The following CCDC191 variants were observed in gnomAD, a reference collection of about 807,000 sequenced individuals.
CCDC191 encodes coiled-coil domain-containing protein 191.
Under a neutral mutation model 114.0 loss-of-function variants are expected in CCDC191, and 99 were observed. The observed-to-expected ratio is 0.87, with a 90% CI of 0.74 to 1.03. The LOEUF is 1.03. Among genes scored for constraint, CCDC191 ranks in the 50% least tolerant of loss-of-function variants. The pLI, the probability that CCDC191 is intolerant of heterozygous loss-of-function variation, is 0.00. For synonymous variants in CCDC191, 351 were observed against 376.0 expected, an observed-to-expected ratio of 0.93 and a Z score of 0.77; for missense variants, 973 against 1,087.0, an observed-to-expected ratio of 0.90 and a Z score of 1.47.
At position 114,010,883 on chromosome 3, in the gene CCDC191, A is replaced by C. The variant is rs1295951960; in HGVS notation, c.1302T>G (p.Asp434Glu). The part of the protein sequence containing the change: ...LTKEETRKKM[D>E]ALLQAASLGK... ...CCAGTGATGCTGCCTGCAGCAGTGCATCCATCTTCTTCCTAGTTTCCTCTT... is the reference window on the plus strand; with the variant it reads ...CCAGTGATGCTGCCTGCAGCAGTGCCTCCATCTTCTTCCTAGTTTCCTCTT... The change falls in exon 9 of 17, where the codon GAT (aspartate) becomes GAG (glutamate). Residue 434 changes from aspartate (D) to glutamate (E), a missense_variant. Coordinates refer to ENST00000295878, the MANE Select transcript of CCDC191 (RefSeq NM_020817.2). 2.5e-6 allele frequency: 4 copies of C among 1,613,996 alleles called. No homozygotes were observed. The highest frequency in any genetic ancestry group is 3.4e-6 in the Non-Finnish European group (4 of 1,179,966).
chr3:114,010,952 A>C lies in CCDC191; in HGVS notation c.1233T>G (p.His411Gln). The change falls in exon 9 of 17, where the codon CAT becomes CAG. Residue 411 changes from histidine to glutamine, a missense_variant. By Grantham distance (24) the His-to-Gln change is conservative. Coordinates refer to ENST00000295878, the MANE Select transcript of CCDC191 (RefSeq NM_020817.2). ...VLRHCFTEWQHWHGAELLKRE... is the reference protein window; with the variant it reads ...VLRHCFTEWQQWHGAELLKRE... ...TCTTCAGGAGCTCGGCGCCATGCCA[A>C]TGCTGCCATTCTGTAAAGCAGTGTC... is the stretch of plus-strand genomic sequence containing the variant. 1.2e-6 allele frequency: 2 copies of C among 1,614,032 alleles called. No individual in the cohort carries two copies. The highest frequency in any genetic ancestry group is 1.1e-5 in the South Asian group (1 of 91,084).
At chr3:113,965,391 G>A in intron 16 of CCDC191, 32 bp from the exon 17 acceptor site, 1 of 1,447,282 alleles carries the variant, frequency 6.9e-7, no homozygotes, top group Non-Finnish European at 9.3e-7. Flanking sequence ...AAAGTGAAAT[G>A]TTGAGAAAAA....
chr3:114,010,694 C>CGAT (rs1307124560), intron 9 of CCDC191, 78 bp downstream of exon 9: 1 of 1,420,822 alleles, frequency 7.0e-7, no homozygotes, highest in East Asian at 2.3e-5. Flanking sequence ...ACAAAGCAAT[C>CGAT]TGACAATGAC....
intron 8 of CCDC191, among the ~76,000 whole-genome samples, chr3:114,015,432 T>C (rs2076143491): frequency 6.6e-6 from 1 of 152,176 alleles, no homozygotes; most frequent in Non-Finnish European, 1.5e-5. Context: ...CCATAGTTAT[T>C]GGGGTAGAGG....
intron 12 of CCDC191, 193 bp from the exon 13 acceptor site, chr3:114,001,889 A>G (rs1285431857): frequency 6.8e-6 from 4 of 590,372 alleles, no homozygotes; most frequent in African/African-American, 1.9e-5. Flanking sequence ...CTCCAAAAGA[A>G]TCCTTTTCTA....
chr3:114,052,116 A>T (rs748667822), intron 2 of CCDC191, among the ~76,000 whole-genome samples: 1 of 152,224 alleles, frequency 6.6e-6, no homozygotes, highest in Non-Finnish European at 1.5e-5. Flanking sequence ...TATCCAAAAC[A>T]TTAGATATGA....
intron 2 of CCDC191, among the ~76,000 whole-genome samples, chr3:114,047,418 T>C (rs1458780845): frequency 6.6e-6 from 1 of 152,144 alleles, no homozygotes; most frequent in Non-Finnish European, 1.5e-5. Flanking sequence ...TCATAGCACT[T>C]TGGAAGGCCA....
intron 8 of CCDC191, among the ~76,000 whole-genome samples, chr3:114,014,870 C>T (rs1348886881): frequency 6.6e-6 from 1 of 151,634 alleles, no homozygotes; most frequent in African/African-American, 2.4e-5. Flanking sequence ...TTTTAACTTC[C>T]CCATTTAGAT....
At chr3:113,968,508 G>A (rs1489576151) in intron 16 of CCDC191, among the ~76,000 whole-genome samples, 2 of 151,708 alleles carry the variant, frequency 1.3e-5, no homozygotes, top group East Asian at 1.9e-4. Context: ...GACTGTAGCA[G>A]TGTGATGTTG....
chr3:114,010,977 C>A lies in CCDC191; in HGVS notation c.1208G>T (p.Arg403Leu). 6.2e-7 allele frequency: 1 copy of A among 1,613,918 alleles called. No homozygotes were observed. Among genetic ancestry groups the A allele is most frequent in the Non-Finnish European group, 8.5e-7 (1 of 1,179,890 alleles). Residue 403 changes from arginine to leucine, a missense_variant, in exon 9 of 17, where the codon CGA (arginine) becomes CTA (leucine). Arg to Leu is a moderately radical substitution (Grantham distance 102). Coordinates refer to ENST00000295878, the MANE Select transcript of CCDC191 (RefSeq NM_020817.2). ...ATGCTGCCATTCTGTAAAGCAGTGT[C>A]GGAGAACTTGTTTCCGGTTATACTC... is the stretch of plus-strand genomic sequence containing the variant. ...ATEYNRKQVLRHCFTEWQHWH... is the reference protein window; with the variant it reads ...ATEYNRKQVLLHCFTEWQHWH...
chr3:114,018,572 G>T, intron 8 of CCDC191, 106 bp downstream of exon 8: 4 of 863,388 alleles, frequency 4.6e-6, no homozygotes, highest in South Asian at 2.2e-5. Flanking sequence ...TTTCATAAGT[G>T]GTTAAGATTA....
intron 4 of CCDC191, among the ~76,000 whole-genome samples, chr3:114,037,248 A>G (rs1181746322): frequency 6.6e-6 from 1 of 152,244 alleles, no homozygotes; most frequent in African/African-American, 2.4e-5. Context: ...GAACATATCC[A>G]TCAGCCCCAA....
chr3:114,045,568 T>C (rs1480686293), intron 3 of CCDC191, among the ~76,000 whole-genome samples: 4 of 152,088 alleles, frequency 2.6e-5, no homozygotes, highest in Admixed American at 6.5e-5. Context: ...AACTGTCATA[T>C]TACTCCTCTG....
intron 16 of CCDC191, among the ~76,000 whole-genome samples, chr3:113,972,035 C>A (rs1186251835): frequency 6.6e-6 from 1 of 151,952 alleles, no homozygotes; most frequent in Non-Finnish European, 1.5e-5. Flanking sequence ...TCTCCTTTTT[C>A]ATTTCTGATT....
intron 9 of CCDC191, among the ~76,000 whole-genome samples, chr3:114,009,646 T>A (rs1259818131): frequency 6.6e-6 from 1 of 152,128 alleles, no homozygotes; most frequent in Non-Finnish European, 1.5e-5. Context: ...CAAGTGTATA[T>A]TCAATATAAA....
chr3:114,045,361 A>G (rs1004711497), intron 3 of CCDC191, among the ~76,000 whole-genome samples: 2 of 151,826 alleles, frequency 1.3e-5, no homozygotes, highest in Admixed American at 6.6e-5. Context: ...CATTCTTCCT[A>G]TATTTAATTT....
intron 4 of CCDC191, among the ~76,000 whole-genome samples, chr3:114,039,946 C>T (rs1298489892): frequency 2.0e-5 from 3 of 152,130 alleles, no homozygotes; most frequent in South Asian, 4.1e-4. Flanking sequence ...TGTTTTAAGT[C>T]TACAGTAGCG....
chr3:114,055,740 CAT>C lies in CCDC191; in HGVS notation c.90+635_90+636del, dbSNP rs2076764987. On this transcript the variant is annotated intron_variant, in intron 1 of 16. Transcript: ENST00000295878. ...TGCAACTGTGACTTTGCACATGTCA[CAT>C]ATGTTTCAAGTTTAAAATGGGGTTA... Among the ~76,000 whole-genome samples the C allele has an allele frequency of 2.6e-5, 4 of 152,212 alleles. No homozygotes were observed. In the South Asian group the frequency reaches 8.3e-4, roughly 31 times the overall value.
At chr3:114,018,940 T>C in intron 7 of CCDC191, 72 bp from the exon 8 acceptor site, 1 of 1,350,000 alleles carries the variant, frequency 7.4e-7, no homozygotes, top group Non-Finnish European at 1.0e-6. Flanking sequence ...CTGACAGCCC[T>C]CTCCTCAGAT....
Sources: allele counts gnomAD v4.1 joint callset (sites outside exome capture counted in the v4.1 genomes callset), GRCh38; gene constraint gnomAD v4.1.1; transcripts MANE v1.5; gene names NCBI Gene and HGNC (gene_info 2026-07-23, HGNC 2026-07-21).